Variants in PRKAG1 observed in about 807,000 individuals in gnomAD.
PRKAG1 encodes the protein 5'-AMP-activated protein kinase subunit gamma-1.
PRKAG1 carries 27 observed loss-of-function variants against 48.2 expected under a neutral mutation model. That is an observed-to-expected ratio of 0.56 (90% CI 0.41 to 0.77). PRKAG1 has a LOEUF of 0.77. Among genes scored for constraint, PRKAG1 ranks in the 30% least tolerant of loss-of-function variants. The probability of loss-of-function intolerance (pLI) is 0.00; values close to 1 mark genes in which losing one functional copy is unlikely to be tolerated. For missense variants in PRKAG1, 287 were observed against 398.3 expected (o/e 0.72, Z 2.38); for synonymous variants, 130 against 147.7 (o/e 0.88, Z 0.87).
At chr12:49,013,243 C>CTT (rs111248062) in intron 1 of PRKAG1, 133 bp from the exon 2 acceptor site, 174 of 643,534 alleles carry the variant, frequency 2.7e-4, no homozygotes, top group African/African-American at 2.6e-3. Flanking sequence ...CCGCCAAACC[C>CTT]TTTTTTTTTT....
chr12:49,004,429 C>T lies in PRKAG1; in HGVS notation c.537+78G>A. 2.6e-6 allele frequency: 4 copies of T among 1,560,422 alleles called. No homozygotes were observed. The East Asian group carries it at 6.8e-5, about 26-fold the overall frequency. On this transcript the variant is annotated intron_variant, in intron 8 of 11. Transcript: ENST00000548065. ...CACTAGCCTGAGCAACACAGTGAGACCTCGTCTCTCTTTTCAATCAATCAA... is the reference window on the plus strand; with the variant it reads ...CACTAGCCTGAGCAACACAGTGAGATCTCGTCTCTCTTTTCAATCAATCAA...
At chr12:49,012,759 C>T in intron 2 of PRKAG1, 1 of 381,970 alleles carries the variant, frequency 2.6e-6, no homozygotes. Flanking sequence ...CTGGACTATG[C>T]AGAAAATACC....
chr12:49,004,420 A>G, intron 8 of PRKAG1, 87 bp downstream of exon 8: 1 of 1,536,686 alleles, frequency 6.5e-7, no homozygotes, highest in Non-Finnish European at 8.9e-7. Flanking sequence ...CCTGAGCAAC[A>G]CAGTGAGACC....
Position 49,005,069 on chromosome 12 carries a change from C to G in PRKAG1, c.355+51G>C. The G allele has an allele frequency of 6.2e-7, 1 of 1,613,284 alleles. No homozygotes were observed. The highest frequency in any genetic ancestry group is 8.5e-7 in the Non-Finnish European group (1 of 1,179,406). On this transcript the variant is annotated intron_variant, in intron 6 of 11. Transcript: ENST00000548065. This position sits in a 1 kb window ranked among gnomAD's most constrained non-coding sequence, Gnocchi z 4.1. ...AAATACCACCATGGAAAAGTGTTTCCCAGAAACCCGCCATCCCTTTATCCT... is the reference window on the plus strand; with the variant it reads ...AAATACCACCATGGAAAAGTGTTTCGCAGAAACCCGCCATCCCTTTATCCT...
rs1452682535 is a variant in PRKAG1, at chr12:49,002,993, A to C, written c.902T>G (p.Val301Gly). Residue 301 changes from valine (V) to glycine (G), a missense_variant, in exon 12 of 12, where the codon GTA (valine) becomes GGA (glycine). By Grantham distance (109) the Val-to-Gly change is moderately radical (BLOSUM62 -3). Coordinates refer to ENST00000548065, the MANE Select transcript of PRKAG1 (RefSeq NM_002733.5). ...RLVEAEVHRL[V>G]VVDENDVVKG... The stretch of plus-strand genomic sequence containing the variant: ...GACCACATCATTTTCATCCACCACT[A>C]CAAGTCGGTGAACCTGGCACAGAGC... The C allele has an allele frequency of 1.2e-6, 2 of 1,614,156 alleles. No individual in the cohort carries two copies. The highest frequency in any genetic ancestry group is 1.7e-6 in the Non-Finnish European group (2 of 1,180,002).
chr12:49,008,322 A>G (rs1056352229), intron 2 of PRKAG1: 2 of 152,104 alleles, frequency 1.3e-5, no homozygotes. Context: ...CCAACCCCCA[A>G]ATGCTTCACC....
intron 2 of PRKAG1, among the ~76,000 whole-genome samples, chr12:49,006,254 C>CTG (rs1941530992): frequency 6.6e-6 from 1 of 152,166 alleles, no homozygotes; most frequent in Non-Finnish European, 1.5e-5. Flanking sequence ...TCTTCCAAGA[C>CTG]TGTGCTGGGG....
rs1370020881 is a variant in PRKAG1 at position 49,003,361 on chromosome 12, CT to C, written c.742-72del. 10 of 1,593,916 alleles carry C rather than the reference CT, an allele frequency of 6.3e-6. No individual in the cohort carries two copies. In the Admixed American group the frequency reaches 8.4e-5, roughly 13 times the overall value. The stretch of plus-strand genomic sequence containing the variant: ...CCTCCAAACCCTGAACCCATCCAAC[CT>C]CAACAGAGGGATTCAGGGCAATTGT... On this transcript the variant is annotated intron_variant, in intron 10 of 11. Transcript: ENST00000548065.
At chr12:49,003,985 C>T in intron 8 of PRKAG1, 63 bp from the exon 9 acceptor site, 1 of 1,536,094 alleles carries the variant, frequency 6.5e-7, no homozygotes, top group Non-Finnish European at 8.8e-7. Context: ...ATACCCCCTC[C>T]AACCCAGTAT....
At chr12:49,015,062 A>G (rs1941911532) in intron 1 of PRKAG1, among the ~76,000 whole-genome samples, 1 of 152,212 alleles carries the variant, frequency 6.6e-6, no homozygotes, top group Admixed American at 6.5e-5. Flanking sequence ...TTAATGGGCT[A>G]GGGGAGAGTG....
At chr12:49,017,130 T>C (rs566420064) in intron 1 of PRKAG1, 25 of 456,056 alleles carry the variant, frequency 5.5e-5, no homozygotes, top group Admixed American at 2.8e-4. Context: ...TACCTTTAAA[T>C]AACAGCTGTT....
intron 11 of PRKAG1, 56 bp from the exon 12 acceptor site, chr12:49,003,062 C>T: frequency 6.2e-7 from 1 of 1,611,600 alleles, no homozygotes; most frequent in Non-Finnish European, 8.5e-7. Flanking sequence ...TCAGGGGAAG[C>T]CCCTCTGCCC....
At chr12:49,003,508 G>GGCC in intron 10 of PRKAG1, 50 bp downstream of exon 10, 5 of 1,371,368 alleles carry the variant, frequency 3.6e-6, no homozygotes, top group Non-Finnish European at 5.0e-6. Context: ...ATTTAACAGT[G>GGCC]CCCCCCCCCC....
rs567983719 is a variant in PRKAG1 at position 49,002,991 on chromosome 12, C to T, written c.904G>A (p.Val302Met). 6.2e-7 allele frequency: 1 copy of T among 1,614,194 alleles called. No homozygotes were observed. Among genetic ancestry groups the T allele is most frequent in the African/African-American group, 1.3e-5 (1 of 75,048 alleles). The change falls in exon 12 of 12, where the codon GTG (valine) becomes ATG (methionine). Residue 302 changes from valine to methionine, a missense_variant. Transcript: ENST00000548065. ...LVEAEVHRLV[V>M]VDENDVVKGI... is the part of the protein sequence containing the mutation. ...TTGACCACATCATTTTCATCCACCA[C>T]TACAAGTCGGTGAACCTGGCACAGA... is the stretch of plus-strand genomic sequence containing the variant.
chr12:49,003,534 C>T, intron 10 of PRKAG1, 24 bp downstream of exon 10: 2 of 1,596,160 alleles, frequency 1.3e-6, no homozygotes, highest in Non-Finnish European at 1.7e-6. Flanking sequence ...TTCCCTACCT[C>T]CCAGACCCTC....
chr12:49,004,003 A>T, intron 8 of PRKAG1, 81 bp from the exon 9 acceptor site: 1 of 1,504,490 alleles, frequency 6.6e-7, no homozygotes, highest in Non-Finnish European at 8.9e-7. Context: ...TATATTAGAA[A>T]TAAGGGCTGG....
At position 49,003,455 on chromosome 12, in the gene PRKAG1, A is replaced by C; in HGVS notation, c.741+103T>G. 1.1e-5 allele frequency: 17 copies of C among 1,549,432 alleles called. 2 individuals are homozygous for C. The South Asian group carries it at 1.7e-4, about 16-fold the overall frequency. On this transcript the variant is annotated intron_variant, in intron 10 of 11. Coordinates refer to ENST00000548065, the MANE Select transcript of PRKAG1 (RefSeq NM_002733.5). ...AGGATTTGAAAGCCTGGAAGCTTCT[A>C]AGACCCTTAGATCACAGAAGAGACT...
chr12:49,013,170 C>T, intron 1 of PRKAG1, 60 bp from the exon 2 acceptor site: 5 of 1,445,650 alleles, frequency 3.5e-6, no homozygotes, highest in Non-Finnish European at 4.9e-6. Flanking sequence ...AGCCTAGCAA[C>T]ATTAGGGGAA....
Position 49,002,455 on chromosome 12 carries a change from T to C in PRKAG1, c.*444A>G, listed in dbSNP as rs1941327980. On this transcript the variant is annotated 3_prime_UTR_variant, in exon 12 of 12. Transcript: ENST00000548065. ...CATTATGGGAAGAAATGTCACTAAATGGACTTGGCCTCCTCCATATAGCAC... is the reference window on the plus strand; with the variant it reads ...CATTATGGGAAGAAATGTCACTAAACGGACTTGGCCTCCTCCATATAGCAC... 4.0e-6 allele frequency: 1 copy of C among 250,586 alleles called. No homozygotes were observed. The highest frequency in any genetic ancestry group is 2.2e-5 in the African/African-American group (1 of 44,616). 15.5% of individuals were successfully genotyped at this position (250,586 alleles called of 1,614,324 possible).
Sources: allele counts gnomAD v4.1 joint callset (sites outside exome capture counted in the v4.1 genomes callset), GRCh38; gene constraint gnomAD v4.1.1; non-coding constraint Gnocchi (gnomAD v3.1); transcripts MANE v1.5; gene names NCBI Gene and HGNC (gene_info 2026-07-23, HGNC 2026-07-21).